Variants in NAV3 observed in about 807,000 individuals in gnomAD.
NAV3 encodes the protein pore membrane and/or filament interacting like protein 1.
Under a neutral mutation model 244.7 loss-of-function variants are expected in NAV3, and 87 were observed. That is an observed-to-expected ratio of 0.36 (90% confidence interval 0.30 to 0.42). The LOEUF is 0.42. NAV3 is among the 20% of genes least tolerant of loss of function. NAV3 has a pLI of 1.00. For synonymous variants in NAV3, 1,126 were observed against 1,042.2 expected (o/e 1.08, Z -1.55); for missense variants, 2,663 against 2,893.3 (o/e 0.92, Z 1.83).
chr12:78,173,087 A>G (rs1480810773), intron 24 of NAV3, among the ~76,000 whole-genome samples: 1 of 151,650 alleles, frequency 6.6e-6, no homozygotes, highest in Non-Finnish European at 1.5e-5. Context: ...AAGTTTAAAA[A>G]TAGACCTCTC....
At chr12:78,045,625 C>T (rs1327673848) in intron 9 of NAV3, among the ~76,000 whole-genome samples, 1 of 152,098 alleles carries the variant, frequency 6.6e-6, no homozygotes, top group African/African-American at 2.4e-5. Flanking sequence ...CTGCTGGATT[C>T]AGTTTGCCAG....
intron 1 of NAV3, among the ~76,000 whole-genome samples, chr12:77,872,250 T>C (rs1032359370): frequency 1.3e-5 from 2 of 152,192 alleles, no homozygotes; most frequent in African/African-American, 4.8e-5. Flanking sequence ...TTGCAACTTA[T>C]TGGTCAAGTT....
At chr12:77,797,682 A>G (rs2135961138) in intron 2 of NAV3, among the ~76,000 whole-genome samples, 1 of 151,490 alleles carries the variant, frequency 6.6e-6, no homozygotes, top group East Asian at 2.0e-4. Flanking sequence ...CTCTACTACA[A>G]ATACAACAAT....
At chr12:77,627,896 A>C (rs1419613251) in intron 2 of NAV3, among the ~76,000 whole-genome samples, 1 of 152,194 alleles carries the variant, frequency 6.6e-6, no homozygotes, top group Non-Finnish European at 1.5e-5. Context: ...TTATTATGTT[A>C]AGTGAAATAA....
chr12:78,157,690 ACT>A (rs1288148051), intron 22 of NAV3, among the ~76,000 whole-genome samples: 1 of 152,060 alleles, frequency 6.6e-6, no homozygotes, highest in Non-Finnish European at 1.5e-5. Context: ...AAACTATGAT[ACT>A]TTTTTTTAGT....
chr12:78,132,877 T>C (rs1407772784), intron 18 of NAV3, among the ~76,000 whole-genome samples: 1 of 152,154 alleles, frequency 6.6e-6, no homozygotes, highest in Non-Finnish European at 1.5e-5. Flanking sequence ...TATAATTTCA[T>C]GTATCATCCT....
At chr12:77,941,777 G>A (rs967217907) in intron 3 of NAV3, among the ~76,000 whole-genome samples, 1 of 152,032 alleles carries the variant, frequency 6.6e-6, no homozygotes, top group African/African-American at 2.4e-5. Flanking sequence ...TAATTAAAAA[G>A]CCACAACTTA....
intron 9 of NAV3, among the ~76,000 whole-genome samples, chr12:78,028,288 C>G (rs947001821): frequency 6.6e-6 from 1 of 152,016 alleles, no homozygotes; most frequent in Non-Finnish European, 1.5e-5. Context: ...AATGAACTGG[C>G]AATTGAAGGA....
chr12:78,146,704 A>G (rs11108476), intron 21 of NAV3, among the ~76,000 whole-genome samples: 3,472 of 152,140 alleles, frequency 0.023, 145 homozygotes, highest in African/African-American at 0.08. Context: ...CTATTTTATT[A>G]CAGTCTTTTT....
chr12:77,694,379 A>C (rs1193494047), intron 2 of NAV3, among the ~76,000 whole-genome samples: 1 of 152,060 alleles, frequency 6.6e-6, no homozygotes, highest in South Asian at 2.1e-4. Context: ...AGGCTGAGGC[A>C]GGAGAATCAC....
rs188493823 is a variant in NAV3, at chr12:78,183,139, C to G, written c.5692+2094C>G. ...TTCCTTCAAAATATAGACAGAGGAC[C>G]ATGACTTATTTTCTAGTAAAAAACA... On this transcript the variant is annotated intron_variant, in intron 30 of 39. Coordinates refer to ENST00000397909, the MANE Select transcript of NAV3 (RefSeq NM_001024383.2). Among the ~76,000 whole-genome samples the G allele has an allele frequency of 1.5e-3, 229 of 151,996 alleles. 3 individuals are homozygous for G. Among genetic ancestry groups the G allele is most frequent in the African/African-American group, 5.2e-3 (215 of 41,488 alleles).
At chr12:77,940,460 A>G in intron 2 of NAV3, 24 bp downstream of exon 2, 1 of 1,572,664 alleles carries the variant, frequency 6.4e-7, no homozygotes, top group Non-Finnish European at 8.7e-7. Context: ...TCTGAAAGAA[A>G]GCATGAAAGT....
chr12:77,634,932 G>A (rs1173597558), intron 2 of NAV3, among the ~76,000 whole-genome samples: 1 of 151,894 alleles, frequency 6.6e-6, no homozygotes, highest in Non-Finnish European at 1.5e-5. Context: ...TATTTTTTAA[G>A]AAATAGGGTC....
In NAV3 at chr12:77,712,034, C is replaced by T. The variant is rs150032516; in HGVS notation, c.72+139768C>T. Among the ~76,000 whole-genome samples, 573 of 152,218 alleles carry T rather than the reference C, an allele frequency of 3.8e-3. 3 individuals carry two copies. The highest frequency in any genetic ancestry group is 0.012 in the African/African-American group (478 of 41,554). ...TTGAATTAAGTCTGTGCATGTCTGT[C>T]CTTTAAACCCCAGGTCATTTAAACC... On this transcript the variant is annotated intron_variant, in intron 2 of 8. Transcript: ENST00000550042.
At chr12:77,803,411 A>C (rs1330020320) in intron 2 of NAV3, among the ~76,000 whole-genome samples, 2 of 152,164 alleles carry the variant, frequency 1.3e-5, no homozygotes, top group Non-Finnish European at 2.9e-5. Flanking sequence ...GCTTGCTGAG[A>C]ATAATGGTTT....
At chr12:77,872,819 G>A (rs1001925159) in intron 1 of NAV3, among the ~76,000 whole-genome samples, 4 of 151,828 alleles carry the variant, frequency 2.6e-5, no homozygotes, top group Non-Finnish European at 5.9e-5. Context: ...ATATTCTATT[G>A]TGTTGAATAA....
At chr12:78,022,767 G>A (rs1412461195) in intron 9 of NAV3, among the ~76,000 whole-genome samples, 1 of 152,140 alleles carries the variant, frequency 6.6e-6, no homozygotes, top group Non-Finnish European at 1.5e-5. Context: ...CACTTCGGCA[G>A]ACCTGAAAAA....
At chr12:77,688,913 A>G (rs918181072) in intron 2 of NAV3, among the ~76,000 whole-genome samples, 4 of 151,878 alleles carry the variant, frequency 2.6e-5, no homozygotes, top group Admixed American at 2.0e-4. Context: ...AAGCCAACTG[A>G]AATTGGAAAA....
intron 24 of NAV3, among the ~76,000 whole-genome samples, chr12:78,169,799 T>C (rs1338954869): frequency 2.0e-5 from 3 of 151,772 alleles, no homozygotes; most frequent in Admixed American, 6.6e-5. Context: ...ATAATTCTTA[T>C]TGTATTAGAC....
Sources: allele counts gnomAD v4.1 joint callset (sites outside exome capture counted in the v4.1 genomes callset), GRCh38; gene constraint gnomAD v4.1.1; transcripts MANE v1.5; gene names NCBI Gene and HGNC (gene_info 2026-07-23, HGNC 2026-07-21).